Variants in LYPLAL1 observed in about 807,000 individuals in gnomAD.
LYPLAL1 encodes the protein lysophospholipase like 1, also known as lysophospholipase-like protein 1.
Under a neutral mutation model 19.7 loss-of-function variants are expected in LYPLAL1, and 23 were observed. The ratio of observed to expected loss-of-function variants is 1.17; its 90% CI spans 0.84 to 1.65. LYPLAL1 has a LOEUF of 1.65. Among genes scored for constraint, LYPLAL1 ranks in the 40% most tolerant of loss-of-function variants. The probability of loss-of-function intolerance (pLI) is 0.00; values close to 1 mark genes in which losing one functional copy is unlikely to be tolerated. For missense variants in LYPLAL1, 355 were observed against 279.4 expected, an observed-to-expected ratio of 1.27 and a Z score of -1.93; for synonymous variants, 119 against 96.3, an observed-to-expected ratio of 1.24 and a Z score of -1.38.
the LYPLAL1 span, among the ~76,000 whole-genome samples, chr1:219,228,827 G>A: frequency 8.6e-5 from 13 of 151,972 alleles, no homozygotes; most frequent in African/African-American, 3.1e-4. Context: ...TTACAGGCAT[G>A]CACCACCACA....
the LYPLAL1 span, among the ~76,000 whole-genome samples, chr1:219,336,857 A>G: frequency 6.6e-6 from 1 of 152,024 alleles, no homozygotes; most frequent in Admixed American, 6.6e-5. Flanking sequence ...TTATTTTGAG[A>G]TATAGGACTG....
the LYPLAL1 span, among the ~76,000 whole-genome samples, chr1:219,284,461 C>G: frequency 6.6e-6 from 1 of 152,198 alleles, no homozygotes; most frequent in East Asian, 1.9e-4. Context: ...ACATTACATG[C>G]CTGTATCAAA....
At chr1:219,276,967 A>T in the LYPLAL1 span, among the ~76,000 whole-genome samples, 1 of 152,190 alleles carries the variant, frequency 6.6e-6, no homozygotes, top group South Asian at 2.1e-4. Context: ...TTGTGAAATT[A>T]CCCCAATGAC....
chr1:219,374,060 G>A, the LYPLAL1 span, among the ~76,000 whole-genome samples: 3 of 151,206 alleles, frequency 2.0e-5, no homozygotes, highest in African/African-American at 4.9e-5. Context: ...TATCCAAGAA[G>A]TTTCCACTTT....
At chr1:219,383,997 T>C in the LYPLAL1 span, among the ~76,000 whole-genome samples, 1 of 152,212 alleles carries the variant, frequency 6.6e-6, no homozygotes, top group Non-Finnish European at 1.5e-5. Context: ...ACTCCCCTCC[T>C]CTTCCCAGCC....
chr1:219,264,279 G>T, the LYPLAL1 span, among the ~76,000 whole-genome samples: 2 of 152,060 alleles, frequency 1.3e-5, 1 homozygote, highest in South Asian at 4.1e-4. Flanking sequence ...CCACCAATTG[G>T]GTGGACAGAG....
chr1:219,212,905 A>C (rs1042739371), downstream of LYPLAL1: 1 of 152,090 alleles, frequency 6.6e-6, no homozygotes, highest in Admixed American at 6.6e-5. Flanking sequence ...TTGGTAAATA[A>C]GTAGGAGTAG....
chr1:219,204,421 T>C (rs1276691971), intron 3 of LYPLAL1, among the ~76,000 whole-genome samples: 1 of 152,242 alleles, frequency 6.6e-6, no homozygotes, highest in African/African-American at 2.4e-5. Flanking sequence ...TCCATCATTA[T>C]TAAAGCCTGT....
chr1:219,293,778 G>T, the LYPLAL1 span, among the ~76,000 whole-genome samples: 2 of 152,176 alleles, frequency 1.3e-5, no homozygotes, highest in African/African-American at 4.8e-5. Flanking sequence ...ATCCAGAATA[G>T]AATTAATGTG....
Position 219,173,927 on chromosome 1 carries a change from A to T in LYPLAL1, c.37A>T (p.Ile13Phe). Residue 13 changes from isoleucine (I) to phenylalanine (F), a missense_variant, in exon 1 of 5, where the codon ATC becomes TTC. By Grantham distance (21) the Ile-to-Phe change is conservative. Transcript: ENST00000366928. ...AASGSVLQRCIVSPAGRHSAS... is the reference protein window; with the variant it reads ...AASGSVLQRCFVSPAGRHSAS... ...GTCGGGGTCGGTTCTGCAGCGCTGT[A>T]TCGTGTCGCCGGCAGGGAGGCATAG... The T allele has an allele frequency of 6.2e-7, 1 of 1,613,862 alleles. No individual in the cohort carries two copies. Among genetic ancestry groups the T allele is most frequent in the Non-Finnish European group, 8.5e-7 (1 of 1,179,968 alleles).
the LYPLAL1 span, among the ~76,000 whole-genome samples, chr1:219,263,601 G>C: frequency 2.0e-5 from 3 of 152,098 alleles, no homozygotes; most frequent in Non-Finnish European, 4.4e-5. Flanking sequence ...TTCACCCTGT[G>C]ATCCCTCCCT....
At chr1:219,439,085 A>C in the LYPLAL1 span, among the ~76,000 whole-genome samples, 22 of 152,008 alleles carry the variant, frequency 1.4e-4, no homozygotes, top group East Asian at 3.7e-3. Context: ...TCATTTCTGA[A>C]CTATTTCCTG....
At chr1:219,317,988 C>G in the LYPLAL1 span, among the ~76,000 whole-genome samples, 1 of 152,178 alleles carries the variant, frequency 6.6e-6, no homozygotes, top group Non-Finnish European at 1.5e-5. Context: ...GCAGACTGAT[C>G]AGACCCCAGG....
At chr1:219,263,118 C>G in the LYPLAL1 span, among the ~76,000 whole-genome samples, 1 of 152,106 alleles carries the variant, frequency 6.6e-6, no homozygotes, top group Non-Finnish European at 1.5e-5. Flanking sequence ...GGCTACCAGG[C>G]AGGTAGAGGA....
chr1:219,413,915 A>G, the LYPLAL1 span, among the ~76,000 whole-genome samples: 2 of 152,264 alleles, frequency 1.3e-5, no homozygotes, highest in South Asian at 2.1e-4. Flanking sequence ...ATAGTATAAT[A>G]TAAATTGTGA....
chr1:219,229,085 A>G, the LYPLAL1 span, among the ~76,000 whole-genome samples: 34,910 of 151,804 alleles, frequency 0.23, 4,512 homozygotes, highest in African/African-American at 0.3. Context: ...AAAGACAGAA[A>G]GGGTAAATAA....
the LYPLAL1 span, among the ~76,000 whole-genome samples, chr1:219,445,456 A>T: frequency 6.6e-6 from 1 of 151,350 alleles, no homozygotes; most frequent in African/African-American, 2.4e-5. Context: ...CAGTTGTAAG[A>T]GAAAAAAGGT....
At chr1:219,381,863 A>C in the LYPLAL1 span, among the ~76,000 whole-genome samples, 1 of 152,208 alleles carries the variant, frequency 6.6e-6, no homozygotes, top group African/African-American at 2.4e-5. Context: ...CATCAGGGAA[A>C]AGACAACACA....
chr1:219,342,821 G>A, the LYPLAL1 span, among the ~76,000 whole-genome samples: 7 of 152,162 alleles, frequency 4.6e-5, no homozygotes, highest in African/African-American at 1.7e-4. Flanking sequence ...AATAGTTTAA[G>A]TTGGTTAGCA....
Sources: allele counts gnomAD v4.1 joint callset (sites outside exome capture counted in the v4.1 genomes callset), GRCh38; gene constraint gnomAD v4.1.1; transcripts MANE v1.5; gene names NCBI Gene and HGNC (gene_info 2026-07-23, HGNC 2026-07-21).